ARB2A: variants seen among roughly 807,000 people sequenced by gnomAD.
The protein encoded by ARB2A is ARB2 cotranscriptional regulator A, also known as cotranscriptional regulator ARB2A.
At chr5:94,101,906 A>G in the ARB2A span, among the ~76,000 whole-genome samples, 14 of 152,122 alleles carry the variant, frequency 9.2e-5, no homozygotes, top group Non-Finnish European at 1.8e-4. Context: ...CATGTTATCT[A>G]TGTAGCAAAC....
At chr5:93,903,647 A>G in the ARB2A span, among the ~76,000 whole-genome samples, 1 of 151,930 alleles carries the variant, frequency 6.6e-6, no homozygotes, top group Non-Finnish European at 1.5e-5. Context: ...AATGATTCAA[A>G]GGAGCATAAC....
the ARB2A span, among the ~76,000 whole-genome samples, chr5:93,933,604 A>C: frequency 6.6e-6 from 1 of 152,132 alleles, no homozygotes; most frequent in African/African-American, 2.4e-5. Flanking sequence ...TTGAACAATA[A>C]GAACACATGG....
the ARB2A span, among the ~76,000 whole-genome samples, chr5:93,884,934 T>C: frequency 1.3e-5 from 2 of 151,536 alleles, no homozygotes; most frequent in African/African-American, 2.4e-5. Context: ...TCCCTTCTTT[T>C]CTCTGTCATA....
the ARB2A span, among the ~76,000 whole-genome samples, chr5:93,641,464 T>A: frequency 2.0e-5 from 3 of 152,106 alleles, no homozygotes; most frequent in African/African-American, 7.2e-5. Flanking sequence ...GAGGAATAAA[T>A]CTGCACATGA....
At chr5:93,832,365 C>G in the ARB2A span, among the ~76,000 whole-genome samples, 1 of 152,230 alleles carries the variant, frequency 6.6e-6, no homozygotes, top group African/African-American at 2.4e-5. Flanking sequence ...TTCTAAGAGT[C>G]ACTACTCTTA....
chr5:93,705,631 G>A, the ARB2A span, among the ~76,000 whole-genome samples: 7 of 147,022 alleles, frequency 4.8e-5, no homozygotes, highest in African/African-American at 1.8e-4. Context: ...GTGTGTGTGT[G>A]TGTGTGTGTG....
the ARB2A span, among the ~76,000 whole-genome samples, chr5:93,662,434 A>G: frequency 2.6e-5 from 4 of 152,230 alleles, no homozygotes; most frequent in Non-Finnish European, 5.9e-5. Flanking sequence ...TTTAATTGTC[A>G]TAATTATAGC....
chr5:93,693,886 T>C, the ARB2A span, among the ~76,000 whole-genome samples: 110 of 152,124 alleles, frequency 7.2e-4, no homozygotes, highest in Non-Finnish European at 8.4e-4. Context: ...GCTGGTTCAA[T>C]AGACGCAAAT....
the ARB2A span, chr5:93,861,384 G>A: frequency 1.4e-5 from 2 of 138,100 alleles, no homozygotes; most frequent in Non-Finnish European, 3.0e-5. Context: ...CACGAAACTT[G>A]CCCTGGATTT....
the ARB2A span, among the ~76,000 whole-genome samples, chr5:93,868,108 C>T: frequency 6.6e-6 from 1 of 152,066 alleles, no homozygotes; most frequent in African/African-American, 2.4e-5. Flanking sequence ...TTGCTTGAGC[C>T]CAGGAGTTTG....
chr5:93,963,060 T>C, the ARB2A span, among the ~76,000 whole-genome samples: 1 of 152,058 alleles, frequency 6.6e-6, no homozygotes, highest in Non-Finnish European at 1.5e-5. Context: ...ATTAATTGTG[T>C]TGTATCAATA....
chr5:93,969,879 A>T, the ARB2A span, among the ~76,000 whole-genome samples: 2 of 152,114 alleles, frequency 1.3e-5, no homozygotes, highest in Non-Finnish European at 2.9e-5. Flanking sequence ...TTATAATTTA[A>T]GGGGGTGGGG....
At chr5:94,047,300 T>C in the ARB2A span, among the ~76,000 whole-genome samples, 15 of 152,164 alleles carry the variant, frequency 9.9e-5, no homozygotes, top group Non-Finnish European at 2.2e-4. Context: ...GAGACCAGCC[T>C]GGCTAACATG....
chr5:93,748,616 G>C, the ARB2A span, among the ~76,000 whole-genome samples: 1 of 152,056 alleles, frequency 6.6e-6, no homozygotes, highest in Non-Finnish European at 1.5e-5. Flanking sequence ...TGCTTTGGAT[G>C]ATGAGGGACT....
At chr5:93,974,092 G>T in the ARB2A span, among the ~76,000 whole-genome samples, 3 of 152,120 alleles carry the variant, frequency 2.0e-5, no homozygotes, top group African/African-American at 7.2e-5. Flanking sequence ...CCACTTAAAA[G>T]ACACTGAGTG....
the ARB2A span, among the ~76,000 whole-genome samples, chr5:93,850,697 T>C: frequency 6.6e-6 from 1 of 152,166 alleles, no homozygotes; most frequent in South Asian, 2.1e-4. Context: ...ATTTAGACTC[T>C]TTTTGAAATC....
chr5:93,693,989 A>T, the ARB2A span, among the ~76,000 whole-genome samples: 1 of 152,182 alleles, frequency 6.6e-6, no homozygotes, highest in Admixed American at 6.5e-5. Context: ...ACAAAATTCA[A>T]CACCCCTTCA....
the ARB2A span, among the ~76,000 whole-genome samples, chr5:93,937,651 G>A: frequency 3.3e-5 from 5 of 151,648 alleles, no homozygotes; most frequent in Non-Finnish European, 4.4e-5. Context: ...ATATCCATGG[G>A]GTATACATAT....
the ARB2A span, among the ~76,000 whole-genome samples, chr5:93,926,063 G>C: frequency 6.6e-6 from 1 of 151,948 alleles, no homozygotes; most frequent in Non-Finnish European, 1.5e-5. Context: ...TGCTAGGCTA[G>C]GCCTGTGTAC....
Sources: allele counts gnomAD v4.1 joint callset (sites outside exome capture counted in the v4.1 genomes callset), GRCh38; gene constraint gnomAD v4.1.1; transcripts MANE v1.5; gene names NCBI Gene and HGNC (gene_info 2026-07-23, HGNC 2026-07-21).